ADIPOQ: variants seen among roughly 807,000 people sequenced by gnomAD.
The protein encoded by ADIPOQ is adiponectin.
A neutral mutation model predicts 16.1 loss-of-function variants in ADIPOQ; 19 were observed. The ratio of observed to expected loss-of-function variants is 1.18; its 90% CI spans 0.82 to 1.73. ADIPOQ has a LOEUF of 1.73. Ranked by LOEUF, ADIPOQ falls within the 40% of genes most tolerant of loss-of-function variation. The probability of loss-of-function intolerance (pLI) is 0.00; values close to 1 mark genes in which losing one functional copy is unlikely to be tolerated. For missense variants in ADIPOQ, 323 were observed against 308.3 expected, an observed-to-expected ratio of 1.05 and a Z score of -0.36; for synonymous variants, 124 against 125.5, an observed-to-expected ratio of 0.99 and a Z score of 0.08.
chr3:186,849,913 GA>G (rs34534547), intron 1 of ADIPOQ, among the ~76,000 whole-genome samples: 1 of 151,716 alleles, frequency 6.6e-6, no homozygotes, highest in Non-Finnish European at 1.5e-5. Flanking sequence ...TCAAACAATA[GA>G]AAAAAACAGA....
Position 186,854,218 on chromosome 3 carries a change from C to G in ADIPOQ, c.249C>G (p.Thr83=). Residue 83 remains threonine, a synonymous_variant, in exon 3 of 3, where the codon ACC becomes ACG. Coordinates refer to ENST00000320741, the MANE Select transcript of ADIPOQ (RefSeq NM_004797.4). ...GTCCTAAGGGAGACATCGGTGAAAC[C>G]GGAGTACCCGGGGCTGAAGGTCCCC... ...LIGPKGDIGE[T]GVPGAEGPRG... 1.2e-6 allele frequency: 2 copies of G among 1,613,376 alleles called. No homozygotes were observed. Among genetic ancestry groups the G allele is most frequent in the East Asian group, 2.2e-5 (1 of 44,870 alleles).
chr3:186,854,277 A>T lies in ADIPOQ; in HGVS notation c.308A>T (p.Glu103Val). 1.9e-6 allele frequency: 3 copies of T among 1,614,012 alleles called. No homozygotes were observed. Among genetic ancestry groups the T allele is most frequent in the Non-Finnish European group, 2.5e-6 (3 of 1,179,872 alleles). Residue 103 changes from glutamate to valine, a missense_variant, in exon 3 of 3, where the codon GAA (glutamate) becomes GTA (valine). Transcript: ENST00000320741. ...GFPGIQGRKG[E>V]PGEGAYVYRS... Reference sequence around the variant, plus strand: ...CCGGGAATCCAAGGCAGGAAAGGAGAACCTGGAGAAGGTGCCTATGTATAC... The same window carrying T: ...CCGGGAATCCAAGGCAGGAAAGGAGTACCTGGAGAAGGTGCCTATGTATAC...
In ADIPOQ at chr3:186,857,849, C is replaced by T. The variant is rs2108494144; in HGVS notation, c.*3145C>T. On this transcript the variant is annotated 3_prime_UTR_variant, in exon 3 of 3. Transcript: ENST00000320741. The stretch of plus-strand genomic sequence containing the variant: ...TTTATCTGTGATAATTTTCTGTGTT[C>T]TGAAGTCTACTTTGTCTAAAAATAA... 1 of 152,238 alleles carries T rather than the reference C, an allele frequency of 6.6e-6. No homozygotes were observed. The highest frequency in any genetic ancestry group is 1.5e-5 in the Non-Finnish European group (1 of 68,010). The allele number at this position is 152,238 out of a possible 1,614,324, so 9.4% of individuals were successfully genotyped here.
intron 1 of ADIPOQ, among the ~76,000 whole-genome samples, chr3:186,847,843 A>T (rs1350842446): frequency 2.0e-5 from 3 of 152,200 alleles, no homozygotes; most frequent in Non-Finnish European, 4.4e-5. Context: ...CATAGTACTC[A>T]CTATTACTTA....
chr3:186,853,770 A>G (rs3774261), intron 2 of ADIPOQ: 122,673 of 219,150 alleles, frequency 0.56, 35,445 homozygotes, highest in South Asian at 0.64. Context: ...TAGAGAAAAT[A>G]TACTCACCGT....
chr3:186,844,233 C>T (rs547279814), intron 1 of ADIPOQ, among the ~76,000 whole-genome samples: 18 of 152,110 alleles, frequency 1.2e-4, no homozygotes, highest in African/African-American at 3.4e-4. Context: ...CTGCAACCTC[C>T]GCCTCCCAGG....
At chr3:186,851,031 A>G (rs1711748861) in intron 1 of ADIPOQ, among the ~76,000 whole-genome samples, 1 of 152,122 alleles carries the variant, frequency 6.6e-6, no homozygotes, top group Admixed American at 6.5e-5. Flanking sequence ...GGGGCATAGG[A>G]GTGGGATTCC....
At chr3:186,852,781 G>C (rs994891446) in intron 1 of ADIPOQ, 1 of 446,828 alleles carries the variant, frequency 2.2e-6, no homozygotes, top group Non-Finnish European at 4.1e-6. Context: ...AATTAGAGGA[G>C]TGTCATCTGT....
At chr3:186,851,767 T>A (rs1404734973) in intron 1 of ADIPOQ, 2 of 152,262 alleles carry the variant, frequency 1.3e-5, no homozygotes, top group African/African-American at 4.8e-5. Context: ...TGGTACTTGC[T>A]GTTTAATGGA....
intron 1 of ADIPOQ, among the ~76,000 whole-genome samples, chr3:186,850,926 A>G (rs1200293956): frequency 6.6e-6 from 1 of 151,926 alleles, no homozygotes. Context: ...CATATAGTTT[A>G]TATGTATATA....
In ADIPOQ at chr3:186,857,092, CA is replaced by C. The variant is rs1712033853; in HGVS notation, c.*2389del. On this transcript the variant is annotated 3_prime_UTR_variant, in exon 3 of 3. Transcript: ENST00000320741. ...CTGCCCAGCTCTCGTATCCCCAAGCCACACCATCTGGCTAAATGGACATCAT... is the reference window on the plus strand; with the variant it reads ...CTGCCCAGCTCTCGTATCCCCAAGCCCACCATCTGGCTAAATGGACATCAT... 1 of 152,224 alleles carries C rather than the reference CA, an allele frequency of 6.6e-6. No homozygotes were observed. Among genetic ancestry groups the C allele is most frequent in the Non-Finnish European group, 1.5e-5 (1 of 68,072 alleles). The allele number at this position is 152,224 out of a possible 1,614,324, so 9.4% of individuals were successfully genotyped here. A position where few individuals can be genotyped will look rare whatever the true frequency, so the allele number is the denominator to read the frequency against.
chr3:186,845,469 T>G (rs1277060950), intron 1 of ADIPOQ: 1 of 152,136 alleles, frequency 6.6e-6, no homozygotes, highest in African/African-American at 2.4e-5. Context: ...CCTCATGGAT[T>G]CAAGTGATTC....
Position 186,854,617 on chromosome 3 carries a change from T to G in ADIPOQ, c.648T>G (p.Tyr216Ter). ...GCGACCAAGTCTGGCTCCAGGTGTA[T>G]GGGGAAGGAGAGCGTAATGGACTCT... ...EVGDQVWLQV[Y>*]GEGERNGLYA... Residue 216 changes from tyrosine (Y) to a stop codon, truncating the protein, a stop_gained, in exon 3 of 3, where the codon TAT (tyrosine) becomes TAG (stop). Coordinates refer to ENST00000320741, the MANE Select transcript of ADIPOQ (RefSeq NM_004797.4). LOFTEE classifies it high-confidence loss of function. The G allele has an allele frequency of 1.2e-6, 2 of 1,614,110 alleles. No homozygotes were observed. Among genetic ancestry groups the G allele is most frequent in the Middle Eastern group, 1.7e-4 (1 of 6,060 alleles).
chr3:186,853,086 C>T lies in ADIPOQ; in HGVS notation c.28C>T (p.Leu10=). ...GCTGTTGCTGGGAGCTGTTCTACTGCTATTAGCTCTGCCCGGTCATGACCA... is the reference window on the plus strand; with the variant it reads ...GCTGTTGCTGGGAGCTGTTCTACTGTTATTAGCTCTGCCCGGTCATGACCA... MLLLGAVLL[L]LALPGHDQET... The change falls in exon 2 of 3, where the codon CTA becomes TTA. Residue 10 remains leucine, a synonymous_variant. Coordinates refer to ENST00000320741, the MANE Select transcript of ADIPOQ (RefSeq NM_004797.4). 6.2e-7 allele frequency: 1 copy of T among 1,614,162 alleles called. No homozygotes were observed. The highest frequency in any genetic ancestry group is 8.5e-7 in the Non-Finnish European group (1 of 1,180,028).
At position 186,854,295 on chromosome 3, in the gene ADIPOQ, A is replaced by G. The variant is rs201989364; in HGVS notation, c.326A>G (p.Tyr109Cys). 30 of 1,614,112 alleles carry G rather than the reference A, an allele frequency of 1.9e-5. No homozygotes were observed. The highest frequency in any genetic ancestry group is 1.8e-4 in the South Asian group (16 of 91,090). Residue 109 changes from tyrosine to cysteine, a missense_variant, in exon 3 of 3, where the codon TAT (tyrosine) becomes TGT (cysteine). Transcript: ENST00000320741. ...AAAGGAGAACCTGGAGAAGGTGCCT[A>G]TGTATACCGCTCAGCATTCAGTGTG... ...GRKGEPGEGA[Y>C]VYRSAFSVGL...
Position 186,854,556 on chromosome 3 carries a change from A to G in ADIPOQ, c.587A>G (p.Gln196Arg). 6.2e-7 allele frequency: 1 copy of G among 1,614,144 alleles called. No homozygotes were observed. Among genetic ancestry groups the G allele is most frequent in the Non-Finnish European group, 8.5e-7 (1 of 1,179,962 alleles). The change falls in exon 3 of 3, where the codon CAG becomes CGG. Residue 196 changes from glutamine to arginine, a missense_variant. Transcript: ENST00000320741. Reference sequence around the variant, plus strand: ...CAGTACCAGGAAAATAATGTGGACCAGGCCTCCGGCTCTGTGCTCCTGCAT... The same window carrying G: ...CAGTACCAGGAAAATAATGTGGACCGGGCCTCCGGCTCTGTGCTCCTGCAT... ...YDQYQENNVD[Q>R]ASGSVLLHLE...
In ADIPOQ at chr3:186,847,922, A is replaced by C. The variant is rs369962980; in HGVS notation, c.-8-5129A>C. Among the ~76,000 whole-genome samples, 158 of 152,316 alleles carry C rather than the reference A, an allele frequency of 1.0e-3. 1 individual carries two copies. Among genetic ancestry groups the C allele is most frequent in the African/African-American group, 3.8e-3 (156 of 41,576 alleles). ...CGCAGTGGCTCATGCCTGTAATCCC[A>C]GCACTTTGGGAGGCCGAGGCGGGCG... is the stretch of plus-strand genomic sequence containing the variant. On this transcript the variant is annotated intron_variant, in intron 1 of 2. Coordinates refer to ENST00000320741, the MANE Select transcript of ADIPOQ (RefSeq NM_004797.4).
rs997522287 is a variant in ADIPOQ, at chr3:186,848,148, G to A, written c.-8-4903G>A. On this transcript the variant is annotated intron_variant, in intron 1 of 2. Coordinates refer to ENST00000320741, the MANE Select transcript of ADIPOQ (RefSeq NM_004797.4). Reference sequence around the variant, plus strand: ...AGATGGTGCCATTGCACTCCAGCCTGGGCCACAAAGCGAGACTCCACTTCA... The same window carrying A: ...AGATGGTGCCATTGCACTCCAGCCTAGGCCACAAAGCGAGACTCCACTTCA... Among the ~76,000 whole-genome samples the A allele has an allele frequency of 6.8e-5, 10 of 146,946 alleles. 1 individual carries two copies. The highest frequency in any genetic ancestry group is 4.9e-4 in the Admixed American group (7 of 14,346).
rs1054689067 is a variant in ADIPOQ, at chr3:186,848,403, C to T, written c.-8-4648C>T. On this transcript the variant is annotated intron_variant, in intron 1 of 2. Coordinates refer to ENST00000320741, the MANE Select transcript of ADIPOQ (RefSeq NM_004797.4). ...TATGTTTGTCGTTTTATATATATGA[C>T]CCCCACTTTAGAGATGAGGAAACTG... Among the ~76,000 whole-genome samples the T allele has an allele frequency of 3.3e-5, 5 of 151,980 alleles. No homozygotes were observed. In the East Asian group the frequency reaches 9.6e-4, roughly 29 times the overall value.
Sources: allele counts gnomAD v4.1 joint callset (sites outside exome capture counted in the v4.1 genomes callset), GRCh38; gene constraint gnomAD v4.1.1; transcripts MANE v1.5; gene names NCBI Gene and HGNC (gene_info 2026-07-23, HGNC 2026-07-21).